The following UPF2 variants were observed in gnomAD, a reference collection of about 807,000 sequenced individuals.
UPF2 encodes UPF2 regulator of nonsense mediated mRNA decay, also known as regulator of nonsense transcripts 2.
UPF2 carries 17 observed loss-of-function variants against 141.4 expected under a neutral mutation model. That is an observed-to-expected ratio of 0.12 (90% CI 0.08 to 0.18). The LOEUF is 0.18. Ranked by LOEUF, UPF2 falls within the 10% of genes least tolerant of loss-of-function variation. The pLI, the probability that UPF2 is intolerant of heterozygous loss-of-function variation, is 1.00. For synonymous variants in UPF2, 540 were observed against 498.0 expected, an observed-to-expected ratio of 1.08 and a Z score of -1.12; for missense variants, 1,152 against 1,515.9, an observed-to-expected ratio of 0.76 and a Z score of 3.99.
chr10:12,037,310 G>A (rs984593746), intron 1 of UPF2, among the ~76,000 whole-genome samples: 4 of 152,010 alleles, frequency 2.6e-5, no homozygotes, highest in African/African-American at 9.7e-5. Context: ...TCGAAATCCT[G>A]AGTTTAAGTG....
At chr10:11,985,936 G>C (rs1340877300) in intron 8 of UPF2, among the ~76,000 whole-genome samples, 1 of 52,340 alleles carries the variant, frequency 1.9e-5, no homozygotes, top group Non-Finnish European at 3.0e-5. Flanking sequence ...CCAGGCTGGA[G>C]TGCAGTGGCA....
At chr10:11,969,646 CAAAT>C (rs1219181175) in intron 9 of UPF2, among the ~76,000 whole-genome samples, 1 of 152,148 alleles carries the variant, frequency 6.6e-6, no homozygotes. Flanking sequence ...GAAACTTTCA[CAAAT>C]AAATGTTTCA....
At chr10:11,975,683 G>GTT (rs1376568231) in intron 9 of UPF2, among the ~76,000 whole-genome samples, 5 of 137,642 alleles carry the variant, frequency 3.6e-5, no homozygotes, top group Non-Finnish European at 3.2e-5. Context: ...TAATTTTGTT[G>GTT]TTTTTTTTTT....
At chr10:12,001,626 C>G (rs777250019) in intron 6 of UPF2, 50 bp downstream of exon 6, 32 of 1,514,940 alleles carry the variant, frequency 2.1e-5, no homozygotes, top group Non-Finnish European at 2.8e-5. Context: ...GGCAAGAGCT[C>G]TGTGTGTAAA....
chr10:11,967,358 T>G lies in UPF2; in HGVS notation c.2050A>C (p.Thr684Pro). The G allele has an allele frequency of 6.3e-7, 1 of 1,575,658 alleles. No individual in the cohort carries two copies. The highest frequency in any genetic ancestry group is 8.6e-7 in the Non-Finnish European group (1 of 1,165,600). The change falls in exon 10 of 22, where the codon ACA becomes CCA. Residue 684 changes from threonine to proline, a missense_variant. Physicochemically the swap from Thr to Pro is conservative, Grantham distance 38. Coordinates refer to ENST00000357604, the MANE Select transcript of UPF2 (RefSeq NM_015542.4). ...GCACTAACCTTTAAACAATGCAGTG[T>G]GTCATTTTTGGTGAACATCTTAAAC... ...TKFKMFTKND[T>P]LHCLKMLLSD...
intron 15 of UPF2, among the ~76,000 whole-genome samples, 200 bp downstream of exon 15, chr10:11,951,859 GTCCTGCT>G (rs1833079450): frequency 6.6e-6 from 1 of 152,104 alleles, no homozygotes; most frequent in Admixed American, 6.6e-5. Flanking sequence ...TGTCCTGCAA[GTCCTGCT>G]TAACTGTTGT....
intron 20 of UPF2, 77 bp from the exon 21 acceptor site, chr10:11,930,062 G>A (rs1334618197): frequency 6.3e-7 from 1 of 1,588,202 alleles, no homozygotes; most frequent in Non-Finnish European, 8.6e-7. Context: ...ACGAAATGTT[G>A]GGGAGATTAA....
At chr10:12,007,707 T>C (rs966339338) in intron 4 of UPF2, among the ~76,000 whole-genome samples, 16 of 151,752 alleles carry the variant, frequency 1.1e-4, no homozygotes, top group African/African-American at 3.9e-4. Flanking sequence ...GGCAGGCACC[T>C]GTAGTCCCAG....
In UPF2 at chr10:11,940,977, C is replaced by G. The variant is rs1478626843; in HGVS notation, c.3378+1688G>C. 6.6e-6 allele frequency among the ~76,000 whole-genome samples: 1 copy of G among 152,156 alleles called. No homozygotes were observed. The highest frequency in any genetic ancestry group is 2.4e-5 in the African/African-American group (1 of 41,432). Reference sequence around the variant, plus strand: ...ACTTTACTTTGCCCTGTTTGAAATTCATGACCTCAGAGACTTCTTCCCCAC... The same window carrying G: ...ACTTTACTTTGCCCTGTTTGAAATTGATGACCTCAGAGACTTCTTCCCCAC... On this transcript the variant is annotated intron_variant, in intron 18 of 21. Transcript: ENST00000357604. This position sits in a 1 kb window ranked among gnomAD's most constrained non-coding sequence, Gnocchi z 4.2.
chr10:12,041,268 T>C (rs962163126), intron 1 of UPF2, among the ~76,000 whole-genome samples: 11 of 152,318 alleles, frequency 7.2e-5, no homozygotes, highest in African/African-American at 1.2e-4. Context: ...TTTCTCAAGA[T>C]AGTGAGGAGA....
In UPF2 at chr10:12,014,003, G is replaced by T; in HGVS notation, c.1306+21C>A. On this transcript the variant is annotated intron_variant, in intron 4 of 21. Coordinates refer to ENST00000357604, the MANE Select transcript of UPF2 (RefSeq NM_015542.4). This position sits in a 1 kb window ranked among gnomAD's most constrained non-coding sequence, Gnocchi z 5.0. ...AGTGCTTACAGAAAACACAATGTTT[G>T]TTTTTAAGGATATCTCTTACCTTCT... The T allele has an allele frequency of 1.3e-6, 2 of 1,504,034 alleles. No homozygotes were observed. Among genetic ancestry groups the T allele is most frequent in the African/African-American group, 1.4e-5 (1 of 71,268 alleles). The allele number at this position is 1,504,034 out of a possible 1,614,324, so 93.2% of individuals were successfully genotyped here. A position where few individuals can be genotyped will look rare whatever the true frequency, so the allele number is the denominator to read the frequency against.
At chr10:12,034,562 T>C (rs1472622632) in intron 2 of UPF2, among the ~76,000 whole-genome samples, 1 of 152,106 alleles carries the variant, frequency 6.6e-6, no homozygotes, top group African/African-American at 2.4e-5. Flanking sequence ...CCCAGCACTT[T>C]GGGGAGGCTG....
chr10:12,000,152 T>C (rs1013229468), intron 6 of UPF2, 143 bp from the exon 7 acceptor site: 2 of 658,654 alleles, frequency 3.0e-6, no homozygotes, highest in Non-Finnish European at 5.2e-6. Context: ...TAGAATATTA[T>C]CCTAGAAAGT....
chr10:11,967,591 C>G (rs542550502), intron 9 of UPF2, 137 bp from the exon 10 acceptor site: 2 of 545,692 alleles, frequency 3.7e-6, no homozygotes, highest in East Asian at 3.9e-5. Flanking sequence ...CGCTTGTTAC[C>G]CAGGCTGGAG....
chr10:11,985,680 C>T (rs1833678479), intron 8 of UPF2, among the ~76,000 whole-genome samples: 1 of 151,538 alleles, frequency 6.6e-6, no homozygotes, highest in African/African-American at 2.4e-5. Flanking sequence ...GTTCTGTCTT[C>T]CAAAGGGCAC....
At chr10:11,964,787 T>A (rs182422705) in intron 10 of UPF2, among the ~76,000 whole-genome samples, 35 of 152,298 alleles carry the variant, frequency 2.3e-4, no homozygotes, top group Admixed American at 2.1e-3. Flanking sequence ...AGGTGAAGTA[T>A]CCCTTATCTG....
Position 11,936,493 on chromosome 10 carries a change from C to G in UPF2, c.3546+52G>C. The G allele has an allele frequency of 6.6e-7, 1 of 1,516,372 alleles. No individual in the cohort carries two copies. The highest frequency in any genetic ancestry group is 8.8e-7 in the Non-Finnish European group (1 of 1,130,466). 93.9% of individuals were successfully genotyped at this position (1,516,372 alleles called of 1,614,324 possible). A position where few individuals can be genotyped will look rare whatever the true frequency, so the allele number is the denominator to read the frequency against. ...TTGTAGGTCAAAGATAAGTTAAAACCTAACTGTATAACTCACAATCAGCTA... is the reference window on the plus strand; with the variant it reads ...TTGTAGGTCAAAGATAAGTTAAAACGTAACTGTATAACTCACAATCAGCTA... On this transcript the variant is annotated intron_variant, in intron 19 of 21. Transcript: ENST00000357604. The surrounding 1 kb of genome is among the most constrained non-coding windows in gnomAD (Gnocchi z 6.6).
intron 1 of UPF2, among the ~76,000 whole-genome samples, chr10:12,036,827 A>G (rs1223185879): frequency 6.6e-6 from 1 of 152,184 alleles, no homozygotes; most frequent in Non-Finnish European, 1.5e-5. Flanking sequence ...AGAGTTCGAG[A>G]CCAACCTGAC....
intron 11 of UPF2, among the ~76,000 whole-genome samples, chr10:11,963,100 C>T (rs774154285): frequency 6.6e-5 from 10 of 152,088 alleles, no homozygotes; most frequent in Non-Finnish European, 1.5e-4. Flanking sequence ...ACAGAGTTCA[C>T]ACCCCATAAA....
Sources: gnomAD v4.1 joint callset for allele counts (sites outside exome capture counted in the v4.1 genomes callset) on GRCh38, gnomAD v4.1.1 for gene constraint, Gnocchi (gnomAD v3.1) non-coding constraint, MANE v1.5 for transcripts, NCBI Gene and HGNC (gene_info 2026-07-23, HGNC 2026-07-21) for gene names.